The following SLC43A2 variants were observed in gnomAD, a reference collection of about 807,000 sequenced individuals.
SLC43A2 encodes solute carrier family 43 member 2.
In SLC43A2, 38 loss-of-function variants were observed where a neutral mutation model predicts 63.2. The ratio of observed to expected loss-of-function variants is 0.60; its 90% CI spans 0.46 to 0.79. The LOEUF (loss-of-function observed/expected upper bound fraction) is 0.79, where lower values mean the gene tolerates loss of function less well. Ranked by LOEUF, SLC43A2 falls within the 30% of genes least tolerant of loss-of-function variation. SLC43A2 has a pLI of 0.00. For synonymous variants in SLC43A2, 322 were observed against 331.0 expected (o/e 0.97, Z 0.30); for missense variants, 644 against 756.2 (o/e 0.85, Z 1.74).
At chr17:1,591,528 G>A in intron 7 of SLC43A2, 38 bp downstream of exon 7, 1 of 1,603,608 alleles carries the variant, frequency 6.2e-7, no homozygotes, top group Non-Finnish European at 8.5e-7. Context: ...TGGGGGGCGG[G>A]GGCTGGGGGC....
rs769457182 is a variant in SLC43A2 at position 1,604,739 on chromosome 17, C to A, written c.501+8456G>T. The A allele has an allele frequency of 3.9e-6, 6 of 1,535,840 alleles. No homozygotes were observed. In the South Asian group the frequency reaches 7.1e-5, roughly 18 times the overall value. ...TAGACCCATCTGCCCCCTGCCCTCA[C>A]CTCCTGCTGTTGCCTTCGGCTGACC... On this transcript the variant is annotated intron_variant, in intron 5 of 13. Coordinates refer to ENST00000301335, the MANE Select transcript of SLC43A2 (RefSeq NM_152346.3).
chr17:1,598,857 T>C (rs921646022), intron 5 of SLC43A2, among the ~76,000 whole-genome samples: 27 of 152,304 alleles, frequency 1.8e-4, no homozygotes, highest in Non-Finnish European at 3.2e-4. Flanking sequence ...GGCAGGGGCC[T>C]CCCAGCTGCT....
chr17:1,579,025 C>T (rs189791395), intron 11 of SLC43A2, among the ~76,000 whole-genome samples: 5 of 151,562 alleles, frequency 3.3e-5, no homozygotes, highest in African/African-American at 1.2e-4. Flanking sequence ...CCTGTAATCT[C>T]AGCTGCTTGG....
intron 13 of SLC43A2, among the ~76,000 whole-genome samples, chr17:1,576,102 A>G: frequency 8.1e-6 from 1 of 124,054 alleles, no homozygotes; most frequent in African/African-American, 3.1e-5. Context: ...TTTTTTTGAG[A>G]CGAAGTCTCG....
At chr17:1,611,000 C>T (rs780577562) in intron 5 of SLC43A2, among the ~76,000 whole-genome samples, 1 of 151,872 alleles carries the variant, frequency 6.6e-6, no homozygotes, top group Non-Finnish European at 1.5e-5. Flanking sequence ...ACCACTGTGC[C>T]CAGCTAATTT....
intron 2 of SLC43A2, among the ~76,000 whole-genome samples, chr17:1,619,337 T>C (rs1907950412): frequency 6.6e-6 from 1 of 151,816 alleles, no homozygotes; most frequent in South Asian, 2.1e-4. Context: ...ACAAAAACAA[T>C]GGCACCAGAT....
intron 11 of SLC43A2, among the ~76,000 whole-genome samples, chr17:1,581,946 A>G (rs558223524): frequency 6.6e-6 from 1 of 150,660 alleles, no homozygotes; most frequent in South Asian, 2.1e-4. Context: ...AGCTGGGATT[A>G]CAGGCATGTG....
Position 1,583,506 on chromosome 17 carries a change from C to CTTG in SLC43A2, c.1218-171_1218-170insCAA. On this transcript the variant is annotated intron_variant, in intron 10 of 13. Transcript: ENST00000301335. The surrounding 1 kb of genome is among the most constrained non-coding windows in gnomAD (Gnocchi z 5.5). ...GGCTGGACCAGCACTACGGACACTC[C>CTTG]CCGGCCCTTCTCAGTGGCAAGCTGA... 1 of 1,173,300 alleles carries CTTG rather than the reference C, an allele frequency of 8.5e-7. No homozygotes were observed. Among genetic ancestry groups the CTTG allele is most frequent in the Non-Finnish European group, 1.2e-6 (1 of 863,438 alleles). 72.7% of individuals were successfully genotyped at this position (1,173,300 alleles called of 1,614,324 possible).
chr17:1,590,412 C>T (rs971184387), intron 9 of SLC43A2, among the ~76,000 whole-genome samples: 1 of 152,018 alleles, frequency 6.6e-6, no homozygotes, highest in African/African-American at 2.4e-5. Context: ...AGGGTGTCCA[C>T]GCACCCACCG....
intron 3 of SLC43A2, among the ~76,000 whole-genome samples, chr17:1,615,965 C>T (rs562100186): frequency 6.7e-6 from 1 of 149,980 alleles, no homozygotes; most frequent in East Asian, 2.0e-4. Context: ...ATTGCTTGAA[C>T]TGGGGAGGCA....
intron 6 of SLC43A2, 40 bp from the exon 7 acceptor site, chr17:1,591,739 G>GGGGGGGGCC: frequency 3.1e-5 from 16 of 512,270 alleles, no homozygotes; most frequent in Non-Finnish European, 4.3e-5. Flanking sequence ...GGGGGAGGGG[G>GGGGGGGGCC]CAGAGTTAGC....
chr17:1,596,318 C>G (rs1555540202), intron 5 of SLC43A2, among the ~76,000 whole-genome samples: 1 of 144,444 alleles, frequency 6.9e-6, no homozygotes, highest in Non-Finnish European at 1.5e-5. Flanking sequence ...GACTCCATCT[C>G]AAAAAAAAAA....
In SLC43A2 at chr17:1,574,114, G is replaced by A. The variant is rs1881285649; in HGVS notation, c.*1490C>T. 6.6e-6 allele frequency: 1 copy of A among 152,402 alleles called. No homozygotes were observed. The highest frequency in any genetic ancestry group is 2.4e-5 in the African/African-American group (1 of 41,470). The allele number at this position is 152,402 out of a possible 1,614,324, so 9.4% of individuals were successfully genotyped here. ...GGAATCTTCAGGGTTGTGGAAGGGT[G>A]TAGGGATGGAAAGGGACCAGGATTC... On this transcript the variant is annotated 3_prime_UTR_variant, in exon 14 of 14. Coordinates refer to ENST00000301335, the MANE Select transcript of SLC43A2 (RefSeq NM_152346.3).
At chr17:1,582,345 G>A (rs1037243585) in intron 11 of SLC43A2, among the ~76,000 whole-genome samples, 4 of 152,224 alleles carry the variant, frequency 2.6e-5, no homozygotes, top group Non-Finnish European at 5.9e-5. Flanking sequence ...CTACCAAAGT[G>A]TTGAGATTAC....
intron 9 of SLC43A2, 81 bp from the exon 10 acceptor site, chr17:1,586,132 T>G (rs1156973199): frequency 1.7e-5 from 26 of 1,489,500 alleles, no homozygotes; most frequent in Non-Finnish European, 2.1e-5. Flanking sequence ...GGGAAGGGGC[T>G]GGTCCCCACA....
rs1045913430 is a variant in SLC43A2, at chr17:1,577,930, A to T, written c.1424+320T>A. Reference sequence around the variant, plus strand: ...TCCTTCCCAGTGAGCAGCCAGGGCCAGCCCCAGGACTCGGCTGTAGTGGCC... The same window carrying T: ...TCCTTCCCAGTGAGCAGCCAGGGCCTGCCCCAGGACTCGGCTGTAGTGGCC... On this transcript the variant is annotated intron_variant, in intron 12 of 13. Transcript: ENST00000301335. The surrounding 1 kb of genome is among the most constrained non-coding windows in gnomAD (Gnocchi z 4.9). Among the ~76,000 whole-genome samples the T allele has an allele frequency of 1.3e-5, 2 of 152,226 alleles. No homozygotes were observed. The highest frequency in any genetic ancestry group is 1.3e-4 in the Admixed American group (2 of 15,274).
chr17:1,597,674 C>G (rs1905444957), intron 5 of SLC43A2, among the ~76,000 whole-genome samples: 1 of 151,982 alleles, frequency 6.6e-6, no homozygotes, highest in African/African-American at 2.4e-5. Context: ...TGGCGGGCAC[C>G]TGTAATCCCA....
At chr17:1,610,013 G>T (rs1000150770) in intron 5 of SLC43A2, among the ~76,000 whole-genome samples, 1 of 151,872 alleles carries the variant, frequency 6.6e-6, no homozygotes, top group Non-Finnish European at 1.5e-5. Context: ...AGGTTCAAGC[G>T]ATTCTCCTGC....
intron 9 of SLC43A2, among the ~76,000 whole-genome samples, chr17:1,588,830 C>T (rs1384879825): frequency 1.3e-5 from 2 of 152,216 alleles, no homozygotes; most frequent in Non-Finnish European, 2.9e-5. Flanking sequence ...AGTCACCGGT[C>T]AGCGGCAAGG....
Sources: allele counts gnomAD v4.1 joint callset (sites outside exome capture counted in the v4.1 genomes callset), GRCh38; gene constraint gnomAD v4.1.1; non-coding constraint Gnocchi (gnomAD v3.1); transcripts MANE v1.5; gene names NCBI Gene and HGNC (gene_info 2026-07-23, HGNC 2026-07-21).